SEC14L6: variants seen among roughly 807,000 people sequenced by gnomAD.
SEC14L6 encodes the protein SEC14 like lipid binding 6.
Under a neutral mutation model 54.1 loss-of-function variants are expected in SEC14L6, and 40 were observed. That is an observed-to-expected ratio of 0.74 (90% confidence interval 0.57 to 0.96). SEC14L6 has a LOEUF of 0.96. Ranked by LOEUF, SEC14L6 falls within the 40% of genes least tolerant of loss-of-function variation. SEC14L6 has a pLI of 0.00. For missense variants in SEC14L6, 471 were observed against 498.3 expected (o/e 0.95, Z 0.52); for synonymous variants, 171 against 198.4 (o/e 0.86, Z 1.16).
Position 30,524,738 on chromosome 22 carries a change from G to T in SEC14L6, c.*259C>A, listed in dbSNP as rs2146231204. The T allele has an allele frequency of 2.6e-6, 1 of 379,984 alleles. No individual in the cohort carries two copies. Among genetic ancestry groups the T allele is most frequent in the South Asian group, 3.9e-5 (1 of 25,516 alleles). 23.5% of individuals were successfully genotyped at this position (379,984 alleles called of 1,614,324 possible). A position where few individuals can be genotyped will look rare whatever the true frequency, so the allele number is the denominator to read the frequency against. ...TATTGGTTGATAGAAAAAAGCCTGGGGTTTTTGCTGAGCTTGAGGTCACAG... is the reference window on the plus strand; with the variant it reads ...TATTGGTTGATAGAAAAAAGCCTGGTGTTTTTGCTGAGCTTGAGGTCACAG... On this transcript the variant is annotated 3_prime_UTR_variant, in exon 12 of 12. Coordinates refer to ENST00000402034, the MANE Select transcript of SEC14L6 (RefSeq NM_001193336.4).
chr22:30,543,082 T>C, intron 1 of SEC14L6: 1 of 1,599,148 alleles, frequency 6.3e-7, no homozygotes, highest in South Asian at 1.1e-5. Context: ...CACCTGCGAG[T>C]CTCATGGCTT....
At chr22:30,539,828 G>A (rs2085667655) in intron 1 of SEC14L6, among the ~76,000 whole-genome samples, 1 of 152,194 alleles carries the variant, frequency 6.6e-6, no homozygotes, top group African/African-American at 2.4e-5. Flanking sequence ...GTGAGGGGTG[G>A]CTTGACCTGG....
chr22:30,538,220 C>G lies in SEC14L6; in HGVS notation c.130+607G>C, dbSNP rs201362964. On this transcript the variant is annotated intron_variant, in intron 2 of 11. Transcript: ENST00000402034. The stretch of plus-strand genomic sequence containing the variant: ...GGGCATGGTGGCACATGAATCCTAA[C>G]TACTCGGGAGGCTGAGGCACAAGAA... Among the ~76,000 whole-genome samples the G allele has an allele frequency of 2.2e-4, 34 of 152,108 alleles. No homozygotes were observed. The East Asian group carries it at 4.1e-3, about 18-fold the overall frequency.
In SEC14L6 at chr22:30,525,123, C is replaced by T; in HGVS notation, c.1082-14G>A. ...ACCTCAGGACATCTGCAGTGAGGGA[C>T]AGACATTCAGACAAGATGCCCCACC... On this transcript the variant is annotated splice_polypyrimidine_tract_variant and intron_variant, in intron 11 of 11. Coordinates refer to ENST00000402034, the MANE Select transcript of SEC14L6 (RefSeq NM_001193336.4). 4.9e-6 allele frequency: 7 copies of T among 1,433,750 alleles called. No homozygotes were observed. The South Asian group carries it at 7.4e-5, about 15-fold the overall frequency. 88.8% of individuals were successfully genotyped at this position (1,433,750 alleles called of 1,614,324 possible).
intron 7 of SEC14L6, 59 bp downstream of exon 7, chr22:30,529,230 C>T (rs769334965): frequency 1.6e-5 from 24 of 1,538,118 alleles, no homozygotes; most frequent in South Asian, 4.8e-5. Context: ...GGTGCCCACC[C>T]GGTCACCGCA....
intron 2 of SEC14L6, among the ~76,000 whole-genome samples, chr22:30,536,934 G>T (rs926091484): frequency 2.9e-5 from 4 of 140,060 alleles, no homozygotes; most frequent in African/African-American, 1.1e-4. Context: ...TGAGGCAGGA[G>T]AATCACTTGA....
At chr22:30,534,414 ATT>A (rs11344017) in intron 2 of SEC14L6, among the ~76,000 whole-genome samples, 60 of 145,114 alleles carry the variant, frequency 4.1e-4, no homozygotes, top group Middle Eastern at 3.5e-3. Flanking sequence ...CTTAAAAAAA[ATT>A]TTTTTTTTTT....
Position 30,539,497 on chromosome 22 carries a change from T to C in SEC14L6, c.55-595A>G, listed in dbSNP as rs1307747610. Reference sequence around the variant, plus strand: ...CAGGGAGGGGCCCTCTTTAGTGCCCTGATCTTCATCCTTAGGAAGCCTTCA... The same window carrying C: ...CAGGGAGGGGCCCTCTTTAGTGCCCCGATCTTCATCCTTAGGAAGCCTTCA... On this transcript the variant is annotated intron_variant, in intron 1 of 11. Coordinates refer to ENST00000402034, the MANE Select transcript of SEC14L6 (RefSeq NM_001193336.4). 2.0e-5 allele frequency among the ~76,000 whole-genome samples: 3 copies of C among 152,214 alleles called. No individual in the cohort carries two copies. In the East Asian group the frequency reaches 5.8e-4, roughly 29 times the overall value.
At chr22:30,542,539 C>T (rs2085739730) in intron 1 of SEC14L6, 2 of 1,213,638 alleles carry the variant, frequency 1.6e-6, no homozygotes, top group African/African-American at 1.6e-5. Context: ...CTTCTAGTGC[C>T]TTCCAGCCCT....
chr22:30,530,334 C>T (rs35102600), intron 6 of SEC14L6, among the ~76,000 whole-genome samples: 29,551 of 152,028 alleles, frequency 0.19, 3,125 homozygotes, highest in Admixed American at 0.26. Context: ...CACTTGAACC[C>T]GTTAGGCGGA....
intron 1 of SEC14L6, chr22:30,543,318 C>G: frequency 1.3e-6 from 2 of 1,571,772 alleles, no homozygotes; most frequent in Non-Finnish European, 1.8e-6. Context: ...CTGAGACTAT[C>G]CAAGTTCCAC....
At position 30,524,744 on chromosome 22, in the gene SEC14L6, T is replaced by G. The variant is rs1936708403; in HGVS notation, c.*253A>C. 1 of 393,340 alleles carries G rather than the reference T, an allele frequency of 2.5e-6. No homozygotes were observed. The highest frequency in any genetic ancestry group is 3.8e-5 in the South Asian group (1 of 26,046). 24.4% of individuals were successfully genotyped at this position (393,340 alleles called of 1,614,324 possible). ...TTGATAGAAAAAAGCCTGGGGTTTTTGCTGAGCTTGAGGTCACAGCAGGTC... is the reference window on the plus strand; with the variant it reads ...TTGATAGAAAAAAGCCTGGGGTTTTGGCTGAGCTTGAGGTCACAGCAGGTC... On this transcript the variant is annotated 3_prime_UTR_variant, in exon 12 of 12. Coordinates refer to ENST00000402034, the MANE Select transcript of SEC14L6 (RefSeq NM_001193336.4).
chr22:30,525,702 C>G lies in SEC14L6; in HGVS notation c.820G>C (p.Val274Leu). The G allele has an allele frequency of 2.5e-6, 4 of 1,613,846 alleles. No individual in the cohort carries two copies. The highest frequency in any genetic ancestry group is 2.5e-6 in the Non-Finnish European group (3 of 1,179,974). ...CTCGTGTGCTCATACTGCAGCCTCA[C>G]CTGCTTGCACAGGTAGTAGCTCTTG... ...VPKSYYLCKQVRLQYEHTRSV... is the reference protein window; with the variant it reads ...VPKSYYLCKQLRLQYEHTRSV... Residue 274 changes from valine to leucine, a missense_variant, in exon 10 of 12, where the codon GTG (valine) becomes CTG (leucine). By Grantham distance (32) the Val-to-Leu change is conservative. Transcript: ENST00000402034.
intron 3 of SEC14L6, among the ~76,000 whole-genome samples, chr22:30,533,691 C>A (rs1937057418): frequency 1.3e-5 from 2 of 152,158 alleles, no homozygotes; most frequent in Admixed American, 1.3e-4. Context: ...TGCTTGCTTC[C>A]TTTTGGGCAT....
intron 3 of SEC14L6, chr22:30,533,144 C>T: frequency 3.0e-6 from 3 of 985,392 alleles, no homozygotes; most frequent in Non-Finnish European, 3.6e-6. Context: ...TCCCGCATGG[C>T]TGCCCTGGGA....
chr22:30,539,238 G>A lies in SEC14L6; in HGVS notation c.55-336C>T, dbSNP rs185519130. 3.1e-4 allele frequency among the ~76,000 whole-genome samples: 47 copies of A among 152,202 alleles called. No homozygotes were observed. The East Asian group carries it at 8.7e-3, about 28-fold the overall frequency. On this transcript the variant is annotated intron_variant, in intron 1 of 11. Coordinates refer to ENST00000402034, the MANE Select transcript of SEC14L6 (RefSeq NM_001193336.4). ...CTAAAAATACAAAAATTAGCCGGGC[G>A]TGGTGGCAGGTGCCTGTAATCCCAG...
At chr22:30,536,863 A>G (rs2085608041) in intron 2 of SEC14L6, among the ~76,000 whole-genome samples, 2 of 151,846 alleles carry the variant, frequency 1.3e-5, no homozygotes. Flanking sequence ...CATCTCTACT[A>G]AAAAACAAAA....
Position 30,534,130 on chromosome 22 carries a change from C to T in SEC14L6, c.131-91G>A, listed in dbSNP as rs563217735. On this transcript the variant is annotated intron_variant, in intron 2 of 11. Coordinates refer to ENST00000402034, the MANE Select transcript of SEC14L6 (RefSeq NM_001193336.4). ...AACGGCCCTGCCCCACCCTCCAGGC[C>T]AGCTTTGTCTCCTGTTACCCAGAGG... 1.2e-3 allele frequency: 1,550 copies of T among 1,249,748 alleles called. 37 individuals are homozygous for T. The South Asian group carries it at 0.02, about 16-fold the overall frequency. 77.4% of individuals were successfully genotyped at this position (1,249,748 alleles called of 1,614,324 possible). A position where few individuals can be genotyped will look rare whatever the true frequency, so the allele number is the denominator to read the frequency against.
intron 1 of SEC14L6, among the ~76,000 whole-genome samples, chr22:30,541,664 G>GAA (rs764914046): frequency 7.1e-6 from 1 of 141,376 alleles, no homozygotes. Flanking sequence ...TCTCAAAAAA[G>GAA]AAAAAAAAAA....
Sources: allele counts gnomAD v4.1 joint callset (sites outside exome capture counted in the v4.1 genomes callset), GRCh38; gene constraint gnomAD v4.1.1; transcripts MANE v1.5; gene names NCBI Gene and HGNC (gene_info 2026-07-23, HGNC 2026-07-21).